PCGF3: variants seen among roughly 807,000 people sequenced by gnomAD.
PCGF3 encodes polycomb group RING finger protein 3.
Under a neutral mutation model 33.1 loss-of-function variants are expected in PCGF3, and 7 were observed. The observed-to-expected ratio is 0.21, with a 90% CI of 0.12 to 0.40. PCGF3 has a LOEUF of 0.40. PCGF3 is among the 10% of genes least tolerant of loss of function. The pLI, the probability that PCGF3 is intolerant of heterozygous loss-of-function variation, is 1.00. For missense variants in PCGF3, 211 were observed against 313.3 expected (o/e 0.67, Z 2.46); for synonymous variants, 153 against 121.3 (o/e 1.26, Z -1.72).
At chr4:706,747 AC>A (rs1176222887) in intron 1 of PCGF3, among the ~76,000 whole-genome samples, 2 of 127,902 alleles carry the variant, frequency 1.6e-5, no homozygotes, top group Non-Finnish European at 3.3e-5. Context: ...CCCAGGCAGG[AC>A]CCAGGGAGGG....
chr4:742,161 C>T (rs1303917032), intron 6 of PCGF3, among the ~76,000 whole-genome samples: 2 of 150,638 alleles, frequency 1.3e-5, no homozygotes, highest in Non-Finnish European at 1.5e-5. Context: ...TCCTCTCTCT[C>T]TCCCCAGGCT....
At chr4:709,745 A>C (rs190372932) in intron 1 of PCGF3, among the ~76,000 whole-genome samples, 1 of 152,210 alleles carries the variant, frequency 6.6e-6, no homozygotes, top group Admixed American at 6.5e-5. Flanking sequence ...CCACAGCTTC[A>C]CTTCTTGGTT....
At chr4:761,896 C>T (rs1745080830) in intron 9 of PCGF3, 2 of 985,416 alleles carry the variant, frequency 2.0e-6, no homozygotes, top group Non-Finnish European at 2.4e-6. Context: ...ATGCAGGCGC[C>T]AGCAGGGTCC....
At chr4:758,041 G>A (rs1352165293) in intron 8 of PCGF3, among the ~76,000 whole-genome samples, 1 of 151,756 alleles carries the variant, frequency 6.6e-6, no homozygotes, top group Non-Finnish European at 1.5e-5. Context: ...GATGGTGCGC[G>A]CCTGTAGTCC....
intron 1 of PCGF3, among the ~76,000 whole-genome samples, chr4:728,681 C>T (rs191789281): frequency 4.6e-4 from 70 of 152,340 alleles, no homozygotes; most frequent in African/African-American, 1.5e-3. Context: ...CATTAGAATG[C>T]TGGCTCCAAG....
At chr4:761,023 T>G (rs564574787) in intron 8 of PCGF3, among the ~76,000 whole-genome samples, 1 of 152,346 alleles carries the variant, frequency 6.6e-6, no homozygotes, top group South Asian at 2.1e-4. Context: ...TGGGATTAAC[T>G]CTCAACTATT....
intron 1 of PCGF3, among the ~76,000 whole-genome samples, chr4:719,115 C>T (rs570536986): frequency 6.6e-5 from 10 of 152,076 alleles, no homozygotes; most frequent in South Asian, 2.1e-4. Flanking sequence ...CCACCATGCC[C>T]GGCTATTTTT....
chr4:740,549 C>G (rs1657369861), intron 6 of PCGF3, among the ~76,000 whole-genome samples: 1 of 152,026 alleles, frequency 6.6e-6, no homozygotes, highest in Admixed American at 6.6e-5. Context: ...CACGCACTCA[C>G]CAGTCCTCTT....
chr4:748,352 G>T (rs1156945786), intron 8 of PCGF3, among the ~76,000 whole-genome samples: 2 of 151,848 alleles, frequency 1.3e-5, no homozygotes, highest in Non-Finnish European at 2.9e-5. Flanking sequence ...GGCACCTGCC[G>T]CTCCGTCTGG....
chr4:734,722 C>A, intron 4 of PCGF3: 2 of 1,358,500 alleles, frequency 1.5e-6, no homozygotes, highest in Non-Finnish European at 1.9e-6. Flanking sequence ...TTGAGGAAGC[C>A]CATTGACGGG....
At chr4:734,293 C>T in intron 4 of PCGF3, 1 of 1,456,848 alleles carries the variant, frequency 6.9e-7, no homozygotes, top group East Asian at 2.5e-5. Context: ...AGGCTCGGCT[C>T]TTATGCTAAC....
chr4:728,289 A>C (rs1743410749), intron 1 of PCGF3, among the ~76,000 whole-genome samples: 1 of 152,208 alleles, frequency 6.6e-6, no homozygotes, highest in African/African-American at 2.4e-5. Flanking sequence ...AATACAGTAG[A>C]ACAACCATTG....
chr4:720,970 G>A lies in PCGF3; in HGVS notation c.-189-9660G>A, dbSNP rs767821879. Among the ~76,000 whole-genome samples, 2 of 152,186 alleles carry A rather than the reference G, an allele frequency of 1.3e-5. No homozygotes were observed. Among genetic ancestry groups the A allele is most frequent in the Non-Finnish European group, 2.9e-5 (2 of 68,034 alleles). ...CGGGAGCTCTGGCATGGTCCAGGGA[G>A]TGGCCGAGGACAGCAAGGAGGAGAT... On this transcript the variant is annotated intron_variant, in intron 1 of 10. Coordinates refer to ENST00000362003, the Ensembl canonical transcript of PCGF3. The surrounding 1 kb of genome is among the most constrained non-coding windows in gnomAD (Gnocchi z 5.6).
At chr4:724,796 TCA>T (rs376103112) in intron 1 of PCGF3, among the ~76,000 whole-genome samples, 41 of 151,644 alleles carry the variant, frequency 2.7e-4, no homozygotes, top group African/African-American at 9.2e-4. Context: ...AGATTCCGTC[TCA>T]CACACACACA....
intron 10 of PCGF3, 142 bp downstream of exon 10, chr4:765,206 G>C: frequency 1.7e-6 from 1 of 599,714 alleles, no homozygotes; most frequent in Non-Finnish European, 3.1e-6. Context: ...GGACGAGGCG[G>C]GCGGATCACG....
intron 9 of PCGF3, chr4:761,857 T>G: frequency 1.0e-6 from 1 of 985,414 alleles, no homozygotes; most frequent in Non-Finnish European, 1.2e-6. Context: ...TGGGTCCCTG[T>G]GAGCCCCCAA....
At chr4:761,916 T>C (rs1745082294) in intron 9 of PCGF3, 1 of 985,240 alleles carries the variant, frequency 1.0e-6, no homozygotes, top group South Asian at 4.7e-5. Context: ...CAGCTTTGCA[T>C]GGAGACAGAA....
chr4:748,233 CTT>C (rs1444543776), intron 8 of PCGF3, among the ~76,000 whole-genome samples: 1 of 150,514 alleles, frequency 6.6e-6, no homozygotes, highest in Non-Finnish European at 1.5e-5. Flanking sequence ...GAGTTTTGCT[CTT>C]GTCTGCCAGG....
rs1044379143 is a variant in PCGF3 at position 721,113 on chromosome 4, C to G, written c.-189-9517C>G. ...GAGGCTGAGGACCCTGGGGAGGGAA[C>G]GCTGCTTGTCGGGCGGTGGTGACGA... On this transcript the variant is annotated intron_variant, in intron 1 of 10. Transcript: ENST00000362003. The surrounding 1 kb of genome is among the most constrained non-coding windows in gnomAD (Gnocchi z 4.1). 1.3e-5 allele frequency among the ~76,000 whole-genome samples: 2 copies of G among 151,848 alleles called. No homozygotes were observed. The highest frequency in any genetic ancestry group is 2.9e-5 in the Non-Finnish European group (2 of 67,960).
Sources: allele counts gnomAD v4.1 joint callset (sites outside exome capture counted in the v4.1 genomes callset), GRCh38; gene constraint gnomAD v4.1.1; non-coding constraint Gnocchi (gnomAD v3.1); transcripts MANE v1.5; gene names NCBI Gene and HGNC (gene_info 2026-07-23, HGNC 2026-07-21).